Variants in SCN11A observed in about 807,000 individuals in gnomAD.
The protein encoded by SCN11A is sodium channel protein type 11 subunit alpha.
A neutral mutation model predicts 162.2 loss-of-function variants in SCN11A; 122 were observed. That is an observed-to-expected ratio of 0.75 (90% confidence interval 0.65 to 0.87). SCN11A has a LOEUF of 0.87. Among genes scored for constraint, SCN11A ranks in the 40% least tolerant of loss-of-function variants. The pLI, the probability that SCN11A is intolerant of heterozygous loss-of-function variation, is 0.00. For synonymous variants in SCN11A, 758 were observed against 751.5 expected, an observed-to-expected ratio of 1.01 and a Z score of -0.14; for missense variants, 2,015 against 2,181.6, an observed-to-expected ratio of 0.92 and a Z score of 1.52.
At chr3:38,852,210 C>T (rs1035731310) in intron 28 of SCN11A, among the ~76,000 whole-genome samples, 23 of 152,136 alleles carry the variant, frequency 1.5e-4, no homozygotes, top group African/African-American at 5.3e-4. Flanking sequence ...CACTGGAGGA[C>T]ACTACATTTC....
chr3:39,035,247 A>G (rs1237806818), intron 1 of SCN11A, among the ~76,000 whole-genome samples: 1 of 152,216 alleles, frequency 6.6e-6, no homozygotes, highest in Non-Finnish European at 1.5e-5. Flanking sequence ...ACAAAAACAG[A>G]CACACAGACC....
At chr3:38,954,152 T>A (rs2066653710) in intron 3 of SCN11A, among the ~76,000 whole-genome samples, 1 of 152,198 alleles carries the variant, frequency 6.6e-6, no homozygotes, top group Non-Finnish European at 1.5e-5. Context: ...CCCACATTCA[T>A]CCAGAGTCAA....
In SCN11A at chr3:38,871,586, T is replaced by C; in HGVS notation, c.3618A>G (p.Lys1206=). ...GVYFFSGKFG[K]CINGTDSVIN... ...TAACTGAGTCTGTTCCATTAATGCATTTCCCAAATTTTCCAGAAAAGAAGT... is the reference window on the plus strand; with the variant it reads ...TAACTGAGTCTGTTCCATTAATGCACTTCCCAAATTTTCCAGAAAAGAAGT... The change falls in exon 25 of 30, where the codon AAA becomes AAG. Residue 1206 remains lysine (K), a synonymous_variant. Transcript: ENST00000302328. The C allele has an allele frequency of 6.2e-7, 1 of 1,613,030 alleles. No homozygotes were observed.
In SCN11A at chr3:38,925,437, C is replaced by T. The variant is rs2125552658; in HGVS notation, c.690G>A (p.Leu230=). 6.2e-7 allele frequency: 1 copy of T among 1,612,904 alleles called. No individual in the cohort carries two copies. Among genetic ancestry groups the T allele is most frequent in the East Asian group, 2.2e-5 (1 of 44,858 alleles). Residue 230 remains leucine (L), a synonymous_variant, in exon 9 of 30, where the codon TTG becomes TTA. Coordinates refer to ENST00000302328, the MANE Select transcript of SCN11A (RefSeq NM_001349253.2). ...TACGTGAAACTACTGAAATTGCTTT[C>T]AAAGCTCTGAACACACGGAAGGTAC... ...PLRTFRVFRA[L]KAISVVSRLK...
intron 2 of SCN11A, among the ~76,000 whole-genome samples, chr3:38,969,209 G>A (rs560528463): frequency 1.3e-5 from 2 of 152,218 alleles, no homozygotes; most frequent in Non-Finnish European, 2.9e-5. Flanking sequence ...GAGGCCCAGC[G>A]AAGGGACTGG....
chr3:38,938,684 C>T (rs1388649738), intron 7 of SCN11A, among the ~76,000 whole-genome samples: 1 of 148,738 alleles, frequency 6.7e-6, no homozygotes. Context: ...CCTGCCTCAG[C>T]CTCCTGAGTA....
intron 2 of SCN11A, among the ~76,000 whole-genome samples, chr3:39,008,288 T>G (rs531018670): frequency 6.6e-6 from 1 of 151,254 alleles, no homozygotes; most frequent in African/African-American, 2.5e-5. Flanking sequence ...CAATCAAGTA[T>G]GAGAGGAGAA....
intron 19 of SCN11A, 124 bp from the exon 20 acceptor site, chr3:38,886,362 T>C (rs775312602): frequency 3.0e-4 from 162 of 536,346 alleles, no homozygotes; most frequent in Non-Finnish European, 4.6e-4. Flanking sequence ...ATTATTACTC[T>C]TTTTTCTCTT....
At chr3:39,002,048 A>C (rs948041535) in intron 2 of SCN11A, among the ~76,000 whole-genome samples, 3 of 151,052 alleles carry the variant, frequency 2.0e-5, no homozygotes, top group Admixed American at 2.0e-4. Context: ...AAAAAAAAAC[A>C]AAAAAAAACT....
At chr3:38,974,895 T>G (rs192942525) in intron 2 of SCN11A, among the ~76,000 whole-genome samples, 3 of 151,294 alleles carry the variant, frequency 2.0e-5, no homozygotes, top group Admixed American at 2.0e-4. Flanking sequence ...TGAAATAATT[T>G]TTAAATCAAT....
At chr3:39,039,764 G>A (rs2031997616) in intron 1 of SCN11A, among the ~76,000 whole-genome samples, 1 of 152,044 alleles carries the variant, frequency 6.6e-6, no homozygotes, top group Non-Finnish European at 1.5e-5. Flanking sequence ...CACCCCTAGA[G>A]ACCAAAGATC....
intron 7 of SCN11A, among the ~76,000 whole-genome samples, chr3:38,932,402 C>G (rs2066255601): frequency 6.6e-6 from 1 of 152,170 alleles, no homozygotes; most frequent in South Asian, 2.1e-4. Flanking sequence ...CGTGCATGAG[C>G]CGAAGCAGGG....
At chr3:39,017,393 CA>C (rs1421731205) in intron 2 of SCN11A, among the ~76,000 whole-genome samples, 1 of 152,230 alleles carries the variant, frequency 6.6e-6, no homozygotes, top group African/African-American at 2.4e-5. Context: ...TTGTTTCGAA[CA>C]AGAAATCTAA....
intron 13 of SCN11A, 145 bp downstream of exon 13, chr3:38,908,852 G>T (rs2065842683): frequency 1.4e-6 from 1 of 701,910 alleles, no homozygotes; most frequent in East Asian, 2.5e-5. Context: ...CATTCTTCGA[G>T]GGACTTATAT....
chr3:38,961,250 C>T (rs2066738276), intron 2 of SCN11A, among the ~76,000 whole-genome samples: 1 of 152,214 alleles, frequency 6.6e-6, no homozygotes. Flanking sequence ...CACTTAGTTT[C>T]CTGAGCCTTA....
rs1048736485 is a variant in SCN11A, at chr3:38,953,714, A to T, written c.-93T>A. On this transcript the variant is annotated 5_prime_UTR_variant, in exon 4 of 30. Transcript: ENST00000302328. ...CAAGAAAAGGAGGGCACTGCGAGGG[A>T]ATAAATTTGGTTTGCAACACACGAA... is the stretch of plus-strand genomic sequence containing the variant. Among the ~76,000 whole-genome samples the T allele has an allele frequency of 6.6e-6, 1 of 152,106 alleles. No individual in the cohort carries two copies. The highest frequency in any genetic ancestry group is 1.9e-4 in the East Asian group (1 of 5,186).
chr3:38,964,751 C>A (rs1170775784), intron 2 of SCN11A, among the ~76,000 whole-genome samples: 1 of 152,212 alleles, frequency 6.6e-6, no homozygotes, highest in Non-Finnish European at 1.5e-5. Context: ...AAAGGAGGAG[C>A]ATGGAAGAAG....
chr3:38,950,064 C>CA, intron 5 of SCN11A, 32 bp downstream of exon 5: 15 of 45,936 alleles, frequency 3.3e-4, no homozygotes, highest in South Asian at 1.8e-3. Flanking sequence ...AACACCCCCA[C>CA]CCCCACCCCC....
chr3:39,007,651 C>T (rs1055772290), intron 2 of SCN11A, among the ~76,000 whole-genome samples: 2 of 152,174 alleles, frequency 1.3e-5, no homozygotes, highest in African/African-American at 4.8e-5. Context: ...CATCATTGTG[C>T]CAGGAGACAC....
Sources: allele counts gnomAD v4.1 joint callset (sites outside exome capture counted in the v4.1 genomes callset), GRCh38; gene constraint gnomAD v4.1.1; transcripts MANE v1.5; gene names NCBI Gene and HGNC (gene_info 2026-07-23, HGNC 2026-07-21).